DIAPH2: variants seen among roughly 807,000 people sequenced by gnomAD.
The protein encoded by DIAPH2 is protein diaphanous homolog 2.
Under a neutral mutation model 92.7 loss-of-function variants are expected in DIAPH2, and 35 were observed. The observed-to-expected ratio is 0.38, with a 90% CI of 0.29 to 0.50. The LOEUF (loss-of-function observed/expected upper bound fraction) is 0.50, where lower values mean the gene tolerates loss of function less well. DIAPH2 is among the 20% of genes least tolerant of loss of function. The pLI is 0.94. For missense variants in DIAPH2, 701 were observed against 819.5 expected (o/e 0.86, Z 1.77); for synonymous variants, 301 against 280.4 (o/e 1.07, Z -0.73).
In DIAPH2 at chrX:97,112,765, C is replaced by CTTTTTTTTTTTTTTTTTT. The variant is rs60721723; in HGVS notation, c.2350-1948_2350-1931dup. Among the ~76,000 whole-genome samples the CTTTTTTTTTTTTTTTTTT allele has an allele frequency of 2.4e-4, 9 of 37,238 alleles. 1 individual carries two copies. Among genetic ancestry groups the CTTTTTTTTTTTTTTTTTT allele is most frequent in the African/African-American group, 9.7e-4 (8 of 8,242 alleles). The allele number at this position is 37,238 out of a possible 115,157, so 32.3% of individuals were successfully genotyped here. A position where few individuals can be genotyped will look rare whatever the true frequency, so the allele number is the denominator to read the frequency against. On this transcript the variant is annotated intron_variant, in intron 20 of 26. Transcript: ENST00000324765. ...CTTCCTTCCTTCTTTCCCTTTCTTT[C>CTTTTTTTTTTTTTTTTTT]TTTTTTTTTTTTTTTTTTTTTTTTT...
chrX:97,297,603 A>ATTTTTTT (rs1569354838), intron 23 of DIAPH2, among the ~76,000 whole-genome samples: 1 of 72,136 alleles, frequency 1.4e-5, no homozygotes, highest in Non-Finnish European at 2.6e-5. Context: ...TTTTTAGTGC[A>ATTTTTTT]CTTTTTTTTT....
At chrX:97,054,710 T>G (rs2066544008) in intron 17 of DIAPH2, among the ~76,000 whole-genome samples, 1 of 111,663 alleles carries the variant, frequency 9.0e-6, no homozygotes, top group African/African-American at 3.2e-5. Context: ...ATTAAGTTAA[T>G]TTGGAGCCAG....
chrX:96,731,852 T>C (rs1448661230), intron 1 of DIAPH2, among the ~76,000 whole-genome samples: 1 of 111,780 alleles, frequency 8.9e-6, no homozygotes, highest in Non-Finnish European at 1.9e-5. Flanking sequence ...TTTTCCAGAG[T>C]TGATTTTAAT....
At chrX:97,572,412 CT>C (rs1283852102) in intron 26 of DIAPH2, among the ~76,000 whole-genome samples, 1 of 111,413 alleles carries the variant, frequency 9.0e-6, no homozygotes, top group Admixed American at 9.6e-5. Context: ...GTTGGAGCTG[CT>C]TTTAAGGAAA....
chrX:96,921,782 C>A (rs1227289349), intron 9 of DIAPH2, among the ~76,000 whole-genome samples: 1 of 105,587 alleles, frequency 9.5e-6, no homozygotes, highest in Non-Finnish European at 1.9e-5. Flanking sequence ...TATCCGTGGT[C>A]CTCTTTTAGT....
intron 22 of DIAPH2, among the ~76,000 whole-genome samples, chrX:97,175,283 T>C (rs2067483402): frequency 9.0e-6 from 1 of 111,722 alleles, no homozygotes; most frequent in Non-Finnish European, 1.9e-5. Context: ...AATCCTCCGT[T>C]CTGCTCCTCC....
chrX:97,273,566 AATGATATG>A (rs2068408751), intron 23 of DIAPH2, among the ~76,000 whole-genome samples: 2 of 112,374 alleles, frequency 1.8e-5, no homozygotes, highest in Admixed American at 1.9e-4. Flanking sequence ...TACTTCCAAT[AATGATATG>A]GACGATTGCA....
intron 26 of DIAPH2, among the ~76,000 whole-genome samples, chrX:97,582,122 C>A (rs1269372218): frequency 2.4e-4 from 1 of 4,163 alleles, no homozygotes; most frequent in African/African-American, 1.0e-3. Flanking sequence ...GACTCTTTAT[C>A]CAATTTGCCA....
At chrX:97,298,217 C>T (rs2068661484) in intron 23 of DIAPH2, among the ~76,000 whole-genome samples, 1 of 103,616 alleles carries the variant, frequency 9.7e-6, no homozygotes, top group Non-Finnish European at 1.9e-5. Context: ...ATAGCAAAAA[C>T]GGTATAAGTT....
rs2065895187 is a variant in DIAPH2 at position 96,966,629 on chromosome X, A to C, written c.2050+1422A>C. 3.6e-5 allele frequency among the ~76,000 whole-genome samples: 4 copies of C among 111,963 alleles called. No homozygotes were observed. In the South Asian group the frequency reaches 1.5e-3, roughly 41 times the overall value. On this transcript the variant is annotated intron_variant, in intron 17 of 26. Coordinates refer to ENST00000324765, the MANE Select transcript of DIAPH2 (RefSeq NM_006729.5). ...TGTGTTTATCTACTGTGTTCTTTTT[A>C]CATACTGCATAGAATTTTGTGTATG...
chrX:97,151,911 G>T (rs945153286), intron 22 of DIAPH2, among the ~76,000 whole-genome samples: 1 of 111,208 alleles, frequency 9.0e-6, no homozygotes, highest in African/African-American at 3.3e-5. Flanking sequence ...TATTGTCAAG[G>T]GGGGAGATGT....
chrX:96,785,553 C>T (rs1230608483), intron 4 of DIAPH2, among the ~76,000 whole-genome samples: 1 of 49 alleles, frequency 0.02, no homozygotes, highest in African/African-American at 0.1. Flanking sequence ...CTGCAATCTG[C>T]GCTCGCCTCC....
At chrX:97,510,451 C>T (rs2070878931) in intron 26 of DIAPH2, among the ~76,000 whole-genome samples, 2 of 111,244 alleles carry the variant, frequency 1.8e-5, no homozygotes, top group Admixed American at 9.5e-5. Context: ...TTCTCCCATT[C>T]TGTAGGTTGC....
intron 22 of DIAPH2, among the ~76,000 whole-genome samples, chrX:97,164,048 G>A (rs1051917697): frequency 1.1e-4 from 12 of 112,119 alleles, no homozygotes; most frequent in African/African-American, 3.9e-4. Context: ...ATAAGTCTTT[G>A]AGGATCTCTG....
At chrX:97,337,764 C>G (rs778947872) in intron 23 of DIAPH2, among the ~76,000 whole-genome samples, 74 of 111,013 alleles carry the variant, frequency 6.7e-4, no homozygotes, top group African/African-American at 2.3e-3. Context: ...GGGCTGCCAC[C>G]AGGATAGTTG....
chrX:97,589,804 C>T (rs774552538), intron 26 of DIAPH2, among the ~76,000 whole-genome samples: 2 of 112,220 alleles, frequency 1.8e-5, no homozygotes, highest in Non-Finnish European at 3.8e-5. Flanking sequence ...CTCAGCCTGG[C>T]ACTCAGGTTG....
intron 15 of DIAPH2, among the ~76,000 whole-genome samples, chrX:96,951,847 G>A (rs2065777481): frequency 1.8e-5 from 2 of 111,286 alleles, no homozygotes; most frequent in African/African-American, 6.5e-5. Flanking sequence ...TTTAACTTGA[G>A]TAAAATTTTA....
At chrX:96,771,751 TTA>T in intron 4 of DIAPH2, among the ~76,000 whole-genome samples, 1 of 111,501 alleles carries the variant, frequency 9.0e-6, no homozygotes, top group Non-Finnish European at 1.9e-5. Flanking sequence ...AGAAGTTACC[TTA>T]GGCTAGATGT....
At chrX:97,264,375 G>A (rs2068316913) in intron 23 of DIAPH2, among the ~76,000 whole-genome samples, 1 of 110,894 alleles carries the variant, frequency 9.0e-6, no homozygotes, top group Non-Finnish European at 1.9e-5. Context: ...CTTTCTCATC[G>A]TTTTCAGTCA....
Sources: gnomAD v4.1 joint callset for allele counts (sites outside exome capture counted in the v4.1 genomes callset) on GRCh38, gnomAD v4.1.1 for gene constraint, MANE v1.5 for transcripts, NCBI Gene and HGNC (gene_info 2026-07-23, HGNC 2026-07-21) for gene names.